EPG5: variants seen among roughly 807,000 people sequenced by gnomAD.
EPG5 encodes ectopic P granules protein 5 homolog.
A neutral mutation model predicts 302.7 loss-of-function variants in EPG5; 159 were observed. That is an observed-to-expected ratio of 0.53 (90% CI 0.46 to 0.60). The LOEUF (loss-of-function observed/expected upper bound fraction) is 0.60, where lower values mean the gene tolerates loss of function less well. EPG5 is among the 20% of genes least tolerant of loss of function. The pLI is 0.00. For missense variants in EPG5, 2,896 were observed against 3,092.4 expected (o/e 0.94, Z 1.51); for synonymous variants, 1,158 against 1,136.8 (o/e 1.02, Z -0.37).
intron 34 of EPG5, among the ~76,000 whole-genome samples, chr18:45,877,265 G>GAAA (rs2048993543): frequency 6.6e-6 from 1 of 151,996 alleles, no homozygotes; most frequent in Non-Finnish European, 1.5e-5. Flanking sequence ...AATTAAAATT[G>GAAA]AAAAATAGCT....
chr18:45,907,533 T>C (rs1199807913), intron 24 of EPG5, among the ~76,000 whole-genome samples: 1 of 152,072 alleles, frequency 6.6e-6, no homozygotes, highest in African/African-American at 2.4e-5. Context: ...CAAACAAAGG[T>C]GAGCTCCTGA....
chr18:45,815,032 T>C, the EPG5 span, among the ~76,000 whole-genome samples: 1 of 152,144 alleles, frequency 6.6e-6, no homozygotes, highest in East Asian at 1.9e-4. Context: ...AGGAGAGCCC[T>C]CTGCTGTGTG....
intron 8 of EPG5, among the ~76,000 whole-genome samples, chr18:45,943,639 G>A (rs534735646): frequency 2.6e-5 from 4 of 152,138 alleles, no homozygotes; most frequent in Admixed American, 1.3e-4. Context: ...AGTAAGACTC[G>A]GGCCAGGCAC....
At chr18:45,828,798 G>A in the EPG5 span, among the ~76,000 whole-genome samples, 1 of 152,182 alleles carries the variant, frequency 6.6e-6, no homozygotes. Flanking sequence ...CGCTAGTTCT[G>A]AACTGCCGCA....
the EPG5 span, among the ~76,000 whole-genome samples, chr18:45,824,745 G>C: frequency 6.6e-6 from 1 of 152,088 alleles, no homozygotes; most frequent in East Asian, 1.9e-4. Context: ...TTCTAGCTCA[G>C]CTTTCCTAGA....
At chr18:45,928,120 T>C (rs534503296) in intron 13 of EPG5, among the ~76,000 whole-genome samples, 1 of 151,266 alleles carries the variant, frequency 6.6e-6, no homozygotes, top group South Asian at 2.1e-4. Context: ...CACTTGAACC[T>C]GGGAGGCAGA....
intron 24 of EPG5, among the ~76,000 whole-genome samples, 157 bp from the exon 25 acceptor site, chr18:45,904,274 C>T (rs746380138): frequency 1.3e-5 from 2 of 152,180 alleles, no homozygotes; most frequent in Non-Finnish European, 2.9e-5. Context: ...AAAATGACCA[C>T]TCTAACAATC....
rs1158686285 is a variant in EPG5, at chr18:45,865,862, G to C, written c.6622-103C>G. On this transcript the variant is annotated intron_variant, in intron 38 of 43. Transcript: ENST00000282041. ...GCACTGCAATGAATGCTTGGGTAGG[G>C]AGTAGAGGGGACAGAACAGGAAGCC... 4 of 1,296,458 alleles carry C rather than the reference G, an allele frequency of 3.1e-6. No homozygotes were observed. In the South Asian group the frequency reaches 4.2e-5, roughly 14 times the overall value. 80.3% of individuals were successfully genotyped at this position (1,296,458 alleles called of 1,614,324 possible).
At chr18:45,820,487 T>G in the EPG5 span, among the ~76,000 whole-genome samples, 3 of 152,174 alleles carry the variant, frequency 2.0e-5, no homozygotes, top group Non-Finnish European at 4.4e-5. Context: ...GGGGCAGGCA[T>G]GGAGTTGGCA....
chr18:45,966,462 GTA>G (rs1458769004), intron 1 of EPG5, among the ~76,000 whole-genome samples: 1 of 151,252 alleles, frequency 6.6e-6, no homozygotes, highest in African/African-American at 2.4e-5. Flanking sequence ...GTGTACATAT[GTA>G]TATATGTGTA....
intron 40 of EPG5, among the ~76,000 whole-genome samples, chr18:45,859,514 T>C (rs2048587440): frequency 6.6e-6 from 1 of 152,206 alleles, no homozygotes. Context: ...TATCTGGATA[T>C]CAGAGTTGAG....
At chr18:45,905,281 A>G (rs1272078843) in intron 24 of EPG5, among the ~76,000 whole-genome samples, 3 of 152,192 alleles carry the variant, frequency 2.0e-5, no homozygotes, top group African/African-American at 7.2e-5. Flanking sequence ...GGGTTTGTGG[A>G]CCGTGATTTT....
At chr18:45,865,520 C>T in intron 39 of EPG5, 95 bp downstream of exon 39, 1 of 1,315,554 alleles carries the variant, frequency 7.6e-7, no homozygotes, top group South Asian at 1.4e-5. Context: ...AAGAGGAGTG[C>T]CAGTGTCCTG....
At chr18:45,885,474 C>T (rs756587490) in intron 29 of EPG5, among the ~76,000 whole-genome samples, 1 of 152,108 alleles carries the variant, frequency 6.6e-6, no homozygotes, top group African/African-American at 2.4e-5. Context: ...TGCTGCATTA[C>T]GTCAGAAAAC....
Position 45,923,369 on chromosome 18 carries a change from GA to G in EPG5, c.2736del (p.Gln913LysfsTer9). 6.2e-7 allele frequency: 1 copy of G among 1,613,492 alleles called. No individual in the cohort carries two copies. Among genetic ancestry groups the G allele is most frequent in the Non-Finnish European group, 8.5e-7 (1 of 1,179,842 alleles). On this transcript the variant is annotated frameshift_variant, in exon 15 of 44. Transcript: ENST00000282041. LOFTEE classifies it high-confidence loss of function. ...GFAKQATLHL[D>X]QAVHAEVALM... The stretch of plus-strand genomic sequence containing the variant: ...AAAGCCACTTCAGCATGGACTGCTT[GA>G]TCCAGATGAAGGGTAGCCTTTTAAA...
intron 7 of EPG5, among the ~76,000 whole-genome samples, 162 bp downstream of exon 7, chr18:45,946,501 C>T (rs562374129): frequency 6.3e-4 from 96 of 152,268 alleles, no homozygotes; most frequent in Non-Finnish European, 6.9e-4. Context: ...CACCCCTGCA[C>T]CTCAGTTTCC....
intron 1 of EPG5, among the ~76,000 whole-genome samples, chr18:45,963,407 T>C (rs958157348): frequency 6.6e-6 from 1 of 152,108 alleles, no homozygotes; most frequent in African/African-American, 2.4e-5. Flanking sequence ...GAGGCCGAGA[T>C]GGGTGGATCA....
chr18:45,896,375 C>T lies in EPG5; in HGVS notation c.4809+3029G>A, dbSNP rs144556407. Among the ~76,000 whole-genome samples, 81 of 152,284 alleles carry T rather than the reference C, an allele frequency of 5.3e-4. No homozygotes were observed. In the East Asian group the frequency reaches 6.6e-3, roughly 12 times the overall value. ...GCACTAAGCAAACGAGTGAGGCCAG[C>T]AGAAAAGTAAAACCTGCTTTAAGAA... On this transcript the variant is annotated intron_variant, in intron 27 of 43. Transcript: ENST00000282041.
In EPG5 at chr18:45,928,881, G is replaced by C. The variant is rs764697562; in HGVS notation, c.2541C>G (p.Asp847Glu). The C allele has an allele frequency of 6.2e-7, 1 of 1,613,122 alleles. No homozygotes were observed. Among genetic ancestry groups the C allele is most frequent in the African/African-American group, 1.3e-5 (1 of 74,858 alleles). ...VLLDRVQETI[D>E]QVGMVSLYLF... ...TCAGTGCTCTTACCATTCCAACCTG[G>C]TCAATGGTCTCTTGAACTCTATCCA... is the stretch of plus-strand genomic sequence containing the variant. Residue 847 changes from aspartate to glutamate, a missense_variant, in exon 13 of 44, where the codon GAC becomes GAG. Asp to Glu is a conservative substitution (Grantham distance 45, BLOSUM62 2). Coordinates refer to ENST00000282041, the MANE Select transcript of EPG5 (RefSeq NM_020964.3).
Sources: gnomAD v4.1 joint callset for allele counts (sites outside exome capture counted in the v4.1 genomes callset) on GRCh38, gnomAD v4.1.1 for gene constraint, MANE v1.5 for transcripts, NCBI Gene and HGNC (gene_info 2026-07-23, HGNC 2026-07-21) for gene names.